The following KTN1 variants were observed in gnomAD, a reference collection of about 807,000 sequenced individuals.
KTN1 encodes kinectin 1, also known as kinectin.
KTN1 carries 130 observed loss-of-function variants against 222.5 expected under a neutral mutation model. The ratio of observed to expected loss-of-function variants is 0.58; its 90% CI spans 0.51 to 0.68. The LOEUF is 0.68. Among genes scored for constraint, KTN1 ranks in the 30% least tolerant of loss-of-function variants. The pLI, the probability that KTN1 is intolerant of heterozygous loss-of-function variation, is 0.00. For synonymous variants in KTN1, 512 were observed against 496.3 expected, an observed-to-expected ratio of 1.03 and a Z score of -0.42; for missense variants, 1,508 against 1,500.4, an observed-to-expected ratio of 1.01 and a Z score of -0.08.
At chr14:55,587,769 A>G (rs529102276) in intron 1 of KTN1, among the ~76,000 whole-genome samples, 2 of 152,294 alleles carry the variant, frequency 1.3e-5, no homozygotes, top group African/African-American at 4.8e-5. Context: ...GTACAGTTTC[A>G]GGTGCTGTGC....
chr14:55,633,496 T>C (rs2140935311), intron 8 of KTN1, among the ~76,000 whole-genome samples, 155 bp downstream of exon 8: 1 of 152,064 alleles, frequency 6.6e-6, no homozygotes, highest in East Asian at 1.9e-4. Context: ...CTCTTTTGCT[T>C]TGTGAAGAAC....
At chr14:55,678,244 C>T (rs554479298) in intron 41 of KTN1, 108 bp from the exon 42 acceptor site, 14 of 664,682 alleles carry the variant, frequency 2.1e-5, no homozygotes, top group African/African-American at 1.5e-4. Flanking sequence ...AAACCTGTGT[C>T]GTCTTTTGAG....
At chr14:55,658,226 A>C (rs1162889428) in intron 29 of KTN1, among the ~76,000 whole-genome samples, 1 of 152,156 alleles carries the variant, frequency 6.6e-6, no homozygotes, top group Non-Finnish European at 1.5e-5. Flanking sequence ...AAACCCCCAC[A>C]ACAAAGAAAA....
chr14:55,585,574 G>A (rs1436161241), intron 1 of KTN1, among the ~76,000 whole-genome samples: 2 of 152,138 alleles, frequency 1.3e-5, no homozygotes, highest in South Asian at 4.1e-4. Flanking sequence ...GAAAAGATAG[G>A]CACTGGGAAA....
chr14:55,602,506 G>A (rs78386830), intron 1 of KTN1, among the ~76,000 whole-genome samples: 11,679 of 152,018 alleles, frequency 0.077, 497 homozygotes, highest in South Asian at 0.12. Context: ...TTCAGTGGAA[G>A]ATTAAAGTGA....
intron 2 of KTN1, among the ~76,000 whole-genome samples, chr14:55,616,206 T>C (rs553754394): frequency 1.3e-5 from 2 of 152,142 alleles, no homozygotes; most frequent in South Asian, 4.1e-4. Context: ...TGCCTCAGCC[T>C]CCCAAAGTGC....
intron 43 of KTN1, chr14:55,680,881 C>A (rs1451824131): frequency 5.0e-6 from 2 of 402,540 alleles, no homozygotes; most frequent in South Asian, 2.0e-5. Flanking sequence ...AAAAATTCTG[C>A]CACATTTCCT....
rs148983573 is a variant in KTN1 at position 55,648,315 on chromosome 14, T to C, written c.2298+200T>C. Among the ~76,000 whole-genome samples the C allele has an allele frequency of 4.3e-4, 65 of 152,358 alleles. No individual in the cohort carries two copies. The East Asian group carries it at 0.01, about 24-fold the overall frequency. On this transcript the variant is annotated intron_variant, in intron 20 of 43. Coordinates refer to ENST00000395314, the MANE Select transcript of KTN1 (RefSeq NM_001079521.2). ...ACATTGACTGCCTTAATGAGGTAGATACTATTGTTATAGTTTGTCAGTTTC... is the reference window on the plus strand; with the variant it reads ...ACATTGACTGCCTTAATGAGGTAGACACTATTGTTATAGTTTGTCAGTTTC...
At chr14:55,610,781 C>T (rs751929292) in intron 1 of KTN1, among the ~76,000 whole-genome samples, 2 of 152,230 alleles carry the variant, frequency 1.3e-5, no homozygotes, top group Non-Finnish European at 2.9e-5. Context: ...TCTAGAATCT[C>T]AACATCAGAA....
chr14:55,649,751 A>T (rs754920531), intron 21 of KTN1, 25 bp from the exon 22 acceptor site: 1 of 1,385,498 alleles, frequency 7.2e-7, no homozygotes, highest in South Asian at 1.2e-5. Flanking sequence ...ACAAATTACT[A>T]AGTAGGATAC....
At position 55,636,310 on chromosome 14, in the gene KTN1, T is replaced by G. The variant is rs186859451; in HGVS notation, c.1462-139T>G. 138 of 614,394 alleles carry G rather than the reference T, an allele frequency of 2.2e-4. No individual in the cohort carries two copies. In the African/African-American group the frequency reaches 2.3e-3, roughly 10 times the overall value. 38.1% of individuals were successfully genotyped at this position (614,394 alleles called of 1,614,324 possible). ...AGACTGTGTGTATCTGCTTGTCTTATTGAAATGTAGGAGACTAGTTGCAAT... is the reference window on the plus strand; with the variant it reads ...AGACTGTGTGTATCTGCTTGTCTTAGTGAAATGTAGGAGACTAGTTGCAAT... On this transcript the variant is annotated intron_variant, in intron 9 of 43. Coordinates refer to ENST00000395314, the MANE Select transcript of KTN1 (RefSeq NM_001079521.2).
At chr14:55,621,033 C>T (rs1344675239) in intron 5 of KTN1, among the ~76,000 whole-genome samples, 1 of 152,180 alleles carries the variant, frequency 6.6e-6, no homozygotes, top group East Asian at 1.9e-4. Flanking sequence ...GAAATTTCTT[C>T]CGCCAGAGAC....
chr14:55,628,630 A>G (rs943522044), intron 6 of KTN1, among the ~76,000 whole-genome samples: 2 of 152,188 alleles, frequency 1.3e-5, no homozygotes, highest in East Asian at 1.9e-4. Flanking sequence ...CATGATGTTT[A>G]TTTATGAGTC....
chr14:55,635,279 A>G (rs1336825789), intron 9 of KTN1, among the ~76,000 whole-genome samples: 1 of 152,204 alleles, frequency 6.6e-6, no homozygotes, highest in Non-Finnish European at 1.5e-5. Context: ...TGATTGACAG[A>G]TATAAATTGT....
intron 29 of KTN1, among the ~76,000 whole-genome samples, chr14:55,657,220 C>T (rs1461816440): frequency 6.6e-6 from 1 of 152,160 alleles, no homozygotes; most frequent in African/African-American, 2.4e-5. Flanking sequence ...GCCATTTCAC[C>T]TTCTTCCTTT....
intron 1 of KTN1, among the ~76,000 whole-genome samples, chr14:55,581,680 T>G (rs568786463): frequency 6.6e-6 from 1 of 152,298 alleles, no homozygotes; most frequent in South Asian, 2.1e-4. Flanking sequence ...TTAGGTTGCA[T>G]TTGTTTTCCT....
chr14:55,585,038 G>C (rs906947241), intron 1 of KTN1, among the ~76,000 whole-genome samples: 1 of 151,512 alleles, frequency 6.6e-6, no homozygotes, highest in Non-Finnish European at 1.5e-5. Flanking sequence ...AGGCTGAGGT[G>C]GGAGGATTGC....
chr14:55,647,209 T>C (rs1340279466), intron 19 of KTN1, among the ~76,000 whole-genome samples: 1 of 152,212 alleles, frequency 6.6e-6, no homozygotes, highest in East Asian at 1.9e-4. Flanking sequence ...AATGAATTAC[T>C]TGAGTACATT....
At chr14:55,580,403 C>CG (rs1175083853) in intron 1 of KTN1, 49 bp downstream of exon 1, 2 of 145,848 alleles carry the variant, frequency 1.4e-5, no homozygotes, top group East Asian at 2.0e-4. Flanking sequence ...GCGGGGAGCG[C>CG]GGGGGGAGGC....
Sources: gnomAD v4.1 joint callset for allele counts (sites outside exome capture counted in the v4.1 genomes callset) on GRCh38, gnomAD v4.1.1 for gene constraint, MANE v1.5 for transcripts, NCBI Gene and HGNC (gene_info 2026-07-23, HGNC 2026-07-21) for gene names.